The following GPLD1 variants were observed in gnomAD, a reference collection of about 807,000 sequenced individuals.
GPLD1 encodes glycosylphosphatidylinositol specific phospholipase D1.
In GPLD1, 84 loss-of-function variants were observed where a neutral mutation model predicts 112.6. The ratio of observed to expected loss-of-function variants is 0.75; its 90% CI spans 0.63 to 0.89. The LOEUF (loss-of-function observed/expected upper bound fraction) is 0.89. GPLD1 is among the 40% of genes least tolerant of loss of function. The pLI, the probability that GPLD1 is intolerant of heterozygous loss-of-function variation, is 0.00. For synonymous variants in GPLD1, 386 were observed against 403.8 expected (o/e 0.96, Z 0.53); for missense variants, 1,044 against 1,051.5 (o/e 0.99, Z 0.10).
At chr6:24,482,235 G>A (rs1324873163) in intron 2 of GPLD1, among the ~76,000 whole-genome samples, 1 of 151,238 alleles carries the variant, frequency 6.6e-6, no homozygotes, top group Non-Finnish European at 1.5e-5. Context: ...TGAGTAGCTG[G>A]GATTACAGGC....
At chr6:24,459,356 T>C (rs931602938) in intron 12 of GPLD1, among the ~76,000 whole-genome samples, 1 of 151,798 alleles carries the variant, frequency 6.6e-6, no homozygotes, top group Non-Finnish European at 1.5e-5. Flanking sequence ...CAGGAACAAG[T>C]AGTCCTCCCA....
At chr6:24,495,041 C>T (rs1178414428) in exon 1 of GPLD1, 3 of 1,350,962 alleles carry the variant, frequency 2.2e-6, no homozygotes, top group African/African-American at 3.0e-5. Context: ...CCCGGCGCCT[C>T]GGGTCGACGT....
chr6:24,429,176 TGG>T, intron 24 of GPLD1, 58 bp from the exon 25 acceptor site: 1 of 1,078,190 alleles, frequency 9.3e-7, no homozygotes, highest in Non-Finnish European at 1.4e-6. Flanking sequence ...TGAGTTCCTA[TGG>T]TAGTCCAGGC....
intron 24 of GPLD1, among the ~76,000 whole-genome samples, chr6:24,430,109 T>C (rs1254481283): frequency 6.6e-6 from 1 of 152,268 alleles, no homozygotes; most frequent in African/African-American, 2.4e-5. Flanking sequence ...CCTGTGCTTA[T>C]CTTATCCCTT....
rs142770123 is a variant in GPLD1 at position 24,434,978 on chromosome 6, T to C, written c.2359-1589A>G. Among the ~76,000 whole-genome samples the C allele has an allele frequency of 5.2e-3, 773 of 149,916 alleles. 7 individuals are homozygous for C. Among genetic ancestry groups the C allele is most frequent in the African/African-American group, 0.017 (694 of 40,600 alleles). On this transcript the variant is annotated intron_variant, in intron 22 of 24. Coordinates refer to ENST00000230036, the MANE Select transcript of GPLD1 (RefSeq NM_001503.4). ...AGCCACCACACTCAGCTGAGATCTTTAATTTTTTTAATCTGTAAATGGGCA... is the reference window on the plus strand; with the variant it reads ...AGCCACCACACTCAGCTGAGATCTTCAATTTTTTTAATCTGTAAATGGGCA...
intron 1 of GPLD1, among the ~76,000 whole-genome samples, chr6:24,487,795 T>C (rs1223784501): frequency 2.0e-5 from 3 of 152,206 alleles, no homozygotes; most frequent in African/African-American, 7.2e-5. Context: ...GACTCCCTTC[T>C]AGCAGTACAT....
At chr6:24,429,800 G>A (rs578258386) in intron 24 of GPLD1, among the ~76,000 whole-genome samples, 87 of 152,226 alleles carry the variant, frequency 5.7e-4, no homozygotes, top group African/African-American at 2.0e-3. Flanking sequence ...CACCCGCCTC[G>A]GCTTCCCAAA....
At chr6:24,478,309 A>C (rs929534155) in intron 3 of GPLD1, among the ~76,000 whole-genome samples, 1 of 152,214 alleles carries the variant, frequency 6.6e-6, no homozygotes, top group Non-Finnish European at 1.5e-5. Context: ...TAAGAGGGAA[A>C]CAGAACAAAA....
intron 3 of GPLD1, among the ~76,000 whole-genome samples, chr6:24,477,751 T>TA (rs11374680): frequency 0.49 from 73,513 of 151,528 alleles, 18,363 homozygotes; most frequent in African/African-American, 0.58. Flanking sequence ...AAAATAACTT[T>TA]AAAAAAAAGG....
At position 24,431,988 on chromosome 6, in the gene GPLD1, G is replaced by T. The variant is rs192182447; in HGVS notation, c.2436+1199C>A. Among the ~76,000 whole-genome samples the T allele has an allele frequency of 6.9e-4, 105 of 152,010 alleles. 1 individual carries two copies. The highest frequency in any genetic ancestry group is 2.4e-3 in the African/African-American group (98 of 41,484). On this transcript the variant is annotated intron_variant, in intron 24 of 24. Transcript: ENST00000230036. ...AAGAATGCTCACTATGGCCTTGTCT[G>T]TAATAGCCAAAAAAAATGGGGGGCC... is the stretch of plus-strand genomic sequence containing the variant.
chr6:24,456,738 T>G (rs1440813890), intron 12 of GPLD1, 101 bp from the exon 13 acceptor site: 1 of 712,732 alleles, frequency 1.4e-6, no homozygotes, highest in African/African-American at 1.8e-5. Flanking sequence ...AGGAAATGAG[T>G]TTTTAGAAGT....
At chr6:24,461,405 G>T (rs896955767) in intron 11 of GPLD1, among the ~76,000 whole-genome samples, 2 of 152,104 alleles carry the variant, frequency 1.3e-5, no homozygotes, top group African/African-American at 4.8e-5. Flanking sequence ...CACTTTCTGT[G>T]TAATTTTCAT....
intron 20 of GPLD1, among the ~76,000 whole-genome samples, chr6:24,439,665 C>T (rs1436837503): frequency 6.6e-6 from 1 of 152,114 alleles, no homozygotes; most frequent in Non-Finnish European, 1.5e-5. Context: ...TTATCATACA[C>T]ATTTAGACAA....
intron 20 of GPLD1, among the ~76,000 whole-genome samples, chr6:24,440,405 T>C (rs572194554): frequency 5.3e-4 from 80 of 152,084 alleles, no homozygotes; most frequent in African/African-American, 1.7e-3. Context: ...GATCACACCA[T>C]TGAACTCCAG....
At chr6:24,452,941 C>A (rs1406944352) in intron 14 of GPLD1, among the ~76,000 whole-genome samples, 1 of 152,100 alleles carries the variant, frequency 6.6e-6, no homozygotes, top group African/African-American at 2.4e-5. Flanking sequence ...GAATGCAGTG[C>A]CAGGCCAGTA....
rs113964121 is a variant in GPLD1 at position 24,483,968 on chromosome 6, C to A, written c.153+2107G>T. Among the ~76,000 whole-genome samples, 23 of 152,122 alleles carry A rather than the reference C, an allele frequency of 1.5e-4. 1 individual carries two copies. The South Asian group carries it at 4.6e-3, about 30-fold the overall frequency. ...CTCTGTCTCCCAGGCTGGAATGGAGCGCAGCAGTGCGATCTCCGCTCCCTG... is the reference window on the plus strand; with the variant it reads ...CTCTGTCTCCCAGGCTGGAATGGAGAGCAGCAGTGCGATCTCCGCTCCCTG... On this transcript the variant is annotated intron_variant, in intron 2 of 24. Coordinates refer to ENST00000230036, the MANE Select transcript of GPLD1 (RefSeq NM_001503.4).
chr6:24,481,563 T>C (rs1193096479), intron 2 of GPLD1, among the ~76,000 whole-genome samples: 3 of 152,198 alleles, frequency 2.0e-5, no homozygotes, highest in African/African-American at 7.2e-5. Flanking sequence ...CTGACCAGAA[T>C]GCTGTGGCCA....
chr6:24,444,392 G>A (rs530152736), intron 20 of GPLD1, among the ~76,000 whole-genome samples: 6 of 151,822 alleles, frequency 4.0e-5, no homozygotes, highest in Non-Finnish European at 8.8e-5. Flanking sequence ...AAATATCTGG[G>A]TAAGGGGTGT....
chr6:24,460,190 T>C (rs778715278), intron 12 of GPLD1, 89 bp downstream of exon 12: 29 of 1,471,074 alleles, frequency 2.0e-5, no homozygotes, highest in Non-Finnish European at 2.6e-5. Context: ...TAAATTTCAA[T>C]GGACAAATAA....
Sources: gnomAD v4.1 joint callset for allele counts (sites outside exome capture counted in the v4.1 genomes callset) on GRCh38, gnomAD v4.1.1 for gene constraint, MANE v1.5 for transcripts, NCBI Gene and HGNC (gene_info 2026-07-23, HGNC 2026-07-21) for gene names.